MEGF10: variants seen among roughly 807,000 people sequenced by gnomAD.
The protein encoded by MEGF10 is multiple EGF like domains 10, also known as multiple epidermal growth factor-like domains protein 10.
MEGF10 carries 86 observed loss-of-function variants against 147.5 expected under a neutral mutation model. That is an observed-to-expected ratio of 0.58 (90% CI 0.49 to 0.70). The LOEUF (loss-of-function observed/expected upper bound fraction) is 0.70, where lower values mean the gene tolerates loss of function less well. Among genes scored for constraint, MEGF10 ranks in the 30% least tolerant of loss-of-function variants. The probability of loss-of-function intolerance (pLI) is 0.00; values close to 1 mark genes in which losing one functional copy is unlikely to be tolerated. For missense variants in MEGF10, 1,329 were observed against 1,487.3 expected, an observed-to-expected ratio of 0.89 and a Z score of 1.75; for synonymous variants, 478 against 525.5, an observed-to-expected ratio of 0.91 and a Z score of 1.24.
At chr5:127,356,549 A>T (rs929523838) in intron 4 of MEGF10, among the ~76,000 whole-genome samples, 5 of 152,242 alleles carry the variant, frequency 3.3e-5, no homozygotes, top group African/African-American at 1.2e-4. Context: ...TGGTTATGGC[A>T]AGTTTAAAGA....
chr5:127,440,077 G>T (rs574195272), intron 17 of MEGF10, among the ~76,000 whole-genome samples: 31 of 152,320 alleles, frequency 2.0e-4, no homozygotes, highest in African/African-American at 7.5e-4. Context: ...CTCTTGCAGG[G>T]CAGCTGCCAG....
At chr5:127,289,260 G>A (rs1356540621), upstream of MEGF10, among the ~76,000 whole-genome samples, 1 of 152,184 alleles carries the variant, frequency 6.6e-6, no homozygotes, top group Non-Finnish European at 1.5e-5. Context: ...AAATTAAAAG[G>A]AAAGTGGGGC....
chr5:127,379,217 G>A (rs932770522), intron 5 of MEGF10, among the ~76,000 whole-genome samples: 10 of 151,970 alleles, frequency 6.6e-5, no homozygotes, highest in South Asian at 2.1e-4. Context: ...ACTGGTGATC[G>A]CGGTAGTCTC....
intron 2 of MEGF10, among the ~76,000 whole-genome samples, chr5:127,335,815 G>A (rs1481710707): frequency 6.6e-6 from 1 of 151,942 alleles, no homozygotes; most frequent in East Asian, 1.9e-4. Context: ...TGGTGGTTAT[G>A]TGAGAGCTAT....
chr5:127,249,288 A>G, the MEGF10 span, among the ~76,000 whole-genome samples: 1 of 151,996 alleles, frequency 6.6e-6, no homozygotes, highest in Non-Finnish European at 1.5e-5. Context: ...GTAGACTGTG[A>G]TAAGTTAAAA....
chr5:127,241,672 C>T, the MEGF10 span, among the ~76,000 whole-genome samples: 1 of 152,008 alleles, frequency 6.6e-6, no homozygotes, highest in Non-Finnish European at 1.5e-5. Flanking sequence ...GTGGTTTTAG[C>T]CATTAAAAAT....
At chr5:127,308,631 C>T (rs1760120844) in intron 1 of MEGF10, among the ~76,000 whole-genome samples, 1 of 151,362 alleles carries the variant, frequency 6.6e-6, no homozygotes, top group African/African-American at 2.4e-5. Context: ...CCAAACACTG[C>T]ATGTTCTCAC....
chr5:127,434,806 G>T lies in MEGF10; in HGVS notation c.1960G>T (p.Ala654Ser). Residue 654 changes from alanine (A) to serine (S), a missense_variant, in exon 15 of 25, where the codon GCC becomes TCC. This residue lies in a region of MEGF10 where 980 missense variants were observed against 1,085.9 expected (regional missense o/e 0.90). Coordinates refer to ENST00000503335, the MANE Select transcript of MEGF10 (RefSeq NM_001256545.2). Reference sequence around the variant, plus strand: ...TGACTGCTTGCCTGGCTTCACAGGCGCCCTCTGCAATGAAGGTAAGGCACG... The same window carrying T: ...TGACTGCTTGCCTGGCTTCACAGGCTCCCTCTGCAATGAAGGTAAGGCACG... ...LCDCLPGFTG[A>S]LCNEVCPSGR... The T allele has an allele frequency of 6.2e-7, 1 of 1,612,956 alleles. No homozygotes were observed. Among genetic ancestry groups the T allele is most frequent in the Non-Finnish European group, 8.5e-7 (1 of 1,179,928 alleles).
intron 19 of MEGF10, chr5:127,444,311 T>C (rs1470838084): frequency 6.6e-6 from 1 of 152,230 alleles, no homozygotes; most frequent in Non-Finnish European, 1.5e-5. Flanking sequence ...TAAAATGACT[T>C]TTACATGCTT....
At chr5:127,435,584 A>G in intron 16 of MEGF10, 95 bp downstream of exon 16, 1 of 1,228,268 alleles carries the variant, frequency 8.1e-7, no homozygotes, top group Non-Finnish European at 1.1e-6. Flanking sequence ...TATAATCAAG[A>G]AAGAATATAT....
intron 5 of MEGF10, among the ~76,000 whole-genome samples, chr5:127,391,141 CACACACACACACATACAT>C (rs879690704): frequency 0.064 from 6,855 of 107,146 alleles, 307 homozygotes; most frequent in Middle Eastern, 0.11. Context: ...CACACACACA[CACACACACACACATACAT>C]GCTTATTTCT....
At chr5:127,438,311 G>T in intron 16 of MEGF10, 128 bp from the exon 17 acceptor site, 1 of 997,430 alleles carries the variant, frequency 1.0e-6, no homozygotes, top group Non-Finnish European at 1.5e-6. Context: ...AGAGCAGTGT[G>T]CTTTCTTAGT....
chr5:127,242,017 A>G, the MEGF10 span, among the ~76,000 whole-genome samples: 1 of 152,118 alleles, frequency 6.6e-6, no homozygotes, highest in African/African-American at 2.4e-5. Context: ...TTTTATAGGG[A>G]TAGATTACAT....
chr5:127,425,864 A>G (rs1046103963), intron 13 of MEGF10, among the ~76,000 whole-genome samples: 1 of 152,212 alleles, frequency 6.6e-6, no homozygotes, highest in African/African-American at 2.4e-5. Context: ...TGTTGCTGAG[A>G]TTGCTGTAGG....
At chr5:127,270,387 G>A in the MEGF10 span, among the ~76,000 whole-genome samples, 3 of 152,126 alleles carry the variant, frequency 2.0e-5, no homozygotes, top group African/African-American at 7.2e-5. Flanking sequence ...GATGGAGGAA[G>A]ATCTACCAAG....
the MEGF10 span, among the ~76,000 whole-genome samples, chr5:127,236,815 A>G: frequency 2.0e-5 from 3 of 152,278 alleles, no homozygotes; most frequent in South Asian, 2.1e-4. Flanking sequence ...AAACTTACCT[A>G]TATTACAATT....
At chr5:127,237,552 G>A in the MEGF10 span, among the ~76,000 whole-genome samples, 1 of 152,270 alleles carries the variant, frequency 6.6e-6, no homozygotes, top group East Asian at 1.9e-4. Context: ...TGAAAAATAA[G>A]AGAAGAAGAA....
chr5:127,457,319 C>T lies in MEGF10; in HGVS notation c.*1C>T. On this transcript the variant is annotated 3_prime_UTR_variant, in exon 25 of 25. Transcript: ENST00000503335. ...CAACAGCAGCAGCAGCAGTGAATGA[C>T]ACCAAAGGACCGCTTGGTAGCCACT... The T allele has an allele frequency of 6.2e-7, 1 of 1,612,180 alleles. No individual in the cohort carries two copies. Among genetic ancestry groups the T allele is most frequent in the Non-Finnish European group, 8.5e-7 (1 of 1,179,494 alleles).
At chr5:127,419,337 T>G in intron 11 of MEGF10, 97 bp downstream of exon 11, 3 of 1,446,226 alleles carry the variant, frequency 2.1e-6, no homozygotes. Flanking sequence ...TAGCTCCAGT[T>G]GCACCAAAAT....
Sources: gnomAD v4.1 joint callset for allele counts (sites outside exome capture counted in the v4.1 genomes callset) on GRCh38, gnomAD v4.1.1 for gene constraint, gnomAD v4.1.1 regional missense constraint, MANE v1.5 for transcripts, NCBI Gene and HGNC (gene_info 2026-07-23, HGNC 2026-07-21) for gene names.